Variants in ITK observed in about 807,000 individuals in gnomAD.
The protein encoded by ITK is IL2 inducible T cell kinase.
ITK carries 45 observed loss-of-function variants against 87.6 expected under a neutral mutation model. The observed-to-expected ratio is 0.51, with a 90% CI of 0.40 to 0.66. ITK has a LOEUF of 0.66. Ranked by LOEUF, ITK falls within the 30% of genes least tolerant of loss-of-function variation. The pLI is 0.00. For missense variants in ITK, 605 were observed against 766.3 expected (o/e 0.79, Z 2.48); for synonymous variants, 303 against 273.6 (o/e 1.11, Z -1.06).
In ITK at chr5:157,211,318, T is replaced by A; in HGVS notation, c.275T>A (p.Phe92Tyr). Residue 92 changes from phenylalanine to tyrosine, a missense_variant, in exon 3 of 17, where the codon TTT becomes TAT. Phe to Tyr is a conservative substitution (Grantham distance 22). Around this residue, in one of 3 missense-constraint regions of ITK, gnomAD observed 464 missense variants for 578.0 expected, o/e 0.80. Transcript: ENST00000422843. Reference protein sequence around the residue: ...VVHDNYLLYVFAPDRESRQRW... With the variant: ...VVHDNYLLYVYAPDRESRQRW... ...CATGACAACTACCTCCTATATGTGT[T>A]TGCTCCAGATCGTGAGAGCCGGCAG... 6.2e-7 allele frequency: 1 copy of A among 1,614,094 alleles called. No individual in the cohort carries two copies. Among genetic ancestry groups the A allele is most frequent in the Non-Finnish European group, 8.5e-7 (1 of 1,179,950 alleles).
At chr5:157,209,903 T>C (rs1278140938) in intron 2 of ITK, among the ~76,000 whole-genome samples, 3 of 151,876 alleles carry the variant, frequency 2.0e-5, no homozygotes. Context: ...GCACTGGTTA[T>C]AGAATGTTCC....
At chr5:157,235,348 G>A (rs1754756612) in intron 8 of ITK, among the ~76,000 whole-genome samples, 1 of 152,200 alleles carries the variant, frequency 6.6e-6, no homozygotes, top group African/African-American at 2.4e-5. Flanking sequence ...TTCTTCCAAT[G>A]TTGCCTCCTC....
In ITK at chr5:157,222,790, A is replaced by G. The variant is rs1327679112; in HGVS notation, c.496-73A>G. On this transcript the variant is annotated intron_variant, in intron 5 of 16. Transcript: ENST00000422843. ...AGAGGAAGGCAGACTGTCTCCCCAG[A>G]CACCCCGATGAAAGGAGGCATTTTA... is the stretch of plus-strand genomic sequence containing the variant. 20 of 1,471,358 alleles carry G rather than the reference A, an allele frequency of 1.4e-5. No homozygotes were observed. The East Asian group carries it at 4.5e-4, about 33-fold the overall frequency. The allele number at this position is 1,471,358 out of a possible 1,614,324, so 91.1% of individuals were successfully genotyped here.
chr5:157,246,034 C>A, intron 15 of ITK, 35 bp downstream of exon 15: 1 of 1,416,160 alleles, frequency 7.1e-7, no homozygotes, highest in Non-Finnish European at 1.0e-6. Flanking sequence ...GCCCCATGAT[C>A]TGGGCTTCAG....
At chr5:157,234,856 C>G (rs1420643641) in intron 8 of ITK, among the ~76,000 whole-genome samples, 1 of 152,114 alleles carries the variant, frequency 6.6e-6, no homozygotes, top group Non-Finnish European at 1.5e-5. Context: ...ATGGGTGCAG[C>G]AAACCACCAT....
intron 7 of ITK, among the ~76,000 whole-genome samples, chr5:157,231,957 A>C (rs1754666048): frequency 6.6e-6 from 1 of 152,236 alleles, no homozygotes; most frequent in South Asian, 2.1e-4. Flanking sequence ...TATGAAACGA[A>C]GAGGAAAATT....
intron 8 of ITK, 105 bp from the exon 9 acceptor site, chr5:157,238,004 G>C: frequency 2.5e-6 from 2 of 796,208 alleles, no homozygotes; most frequent in South Asian, 2.8e-5. Context: ...TCTATGCCAA[G>C]TGGGCCTACA....
intron 1 of ITK, among the ~76,000 whole-genome samples, chr5:157,202,692 T>C (rs1754000816): frequency 6.6e-6 from 1 of 152,226 alleles, no homozygotes; most frequent in Non-Finnish European, 1.5e-5. Context: ...AATTCTGTTT[T>C]AAGTTCTGTC....
intron 10 of ITK, 193 bp from the exon 11 acceptor site, chr5:157,241,453 A>G (rs1309585787): frequency 5.4e-6 from 3 of 555,650 alleles, no homozygotes; most frequent in South Asian, 2.1e-5. Context: ...ATGGAATTTT[A>G]CCACTTGCCC....
At chr5:157,210,167 A>T (rs1580886216) in intron 2 of ITK, among the ~76,000 whole-genome samples, 1 of 151,886 alleles carries the variant, frequency 6.6e-6, no homozygotes, top group African/African-American at 2.4e-5. Context: ...CTCGTGATCG[A>T]CCCGCCTCGG....
At chr5:157,243,945 T>A (rs1754967153) in intron 12 of ITK, 151 bp downstream of exon 12, 4 of 775,948 alleles carry the variant, frequency 5.2e-6, no homozygotes, top group South Asian at 4.5e-5. Context: ...ATCAAACTCT[T>A]CACAGTGGTC....
chr5:157,197,514 C>T (rs1753876066), intron 1 of ITK, among the ~76,000 whole-genome samples: 1 of 152,128 alleles, frequency 6.6e-6, no homozygotes, highest in South Asian at 2.1e-4. Context: ...GAAATTCTGC[C>T]ACAGTGGAAC....
intron 7 of ITK, 58 bp from the exon 8 acceptor site, chr5:157,232,282 A>T: frequency 8.6e-7 from 1 of 1,165,552 alleles, no homozygotes; most frequent in Non-Finnish European, 1.3e-6. Flanking sequence ...TGTCTTTTAT[A>T]AGTAAATAAT....
intron 1 of ITK, chr5:157,199,784 T>C (rs1753929845): frequency 6.6e-6 from 1 of 152,250 alleles, no homozygotes; most frequent in Non-Finnish European, 1.5e-5. Flanking sequence ...GCCTGGAATA[T>C]AGAAAATGTT....
Position 157,222,846 on chromosome 5 carries a change from T to G in ITK, c.496-17T>G. On this transcript the variant is annotated splice_polypyrimidine_tract_variant and intron_variant, in intron 5 of 16. Coordinates refer to ENST00000422843, the MANE Select transcript of ITK (RefSeq NM_005546.4). ...TTTTTTATGTCTTTGCTTGGTTTTG[T>G]TGTCTCTCTTCCCCAGCGACCACTT... 1 of 1,613,958 alleles carries G rather than the reference T, an allele frequency of 6.2e-7. No homozygotes were observed. Among genetic ancestry groups the G allele is most frequent in the South Asian group, 1.1e-5 (1 of 91,080 alleles).
intron 1 of ITK, among the ~76,000 whole-genome samples, chr5:157,204,661 T>C (rs997911667): frequency 2.0e-5 from 3 of 151,380 alleles, no homozygotes; most frequent in Non-Finnish European, 4.4e-5. Flanking sequence ...ATCACACCAC[T>C]GCACTCCAGC....
chr5:157,208,923 C>T lies in ITK; in HGVS notation c.173C>T (p.Ser58Phe). The change falls in exon 2 of 17, where the codon TCC becomes TTC. Residue 58 changes from serine to phenylalanine, a missense_variant. Around this residue, in one of 3 missense-constraint regions of ITK, gnomAD observed 464 missense variants for 578.0 expected, o/e 0.80. Coordinates refer to ENST00000422843, the MANE Select transcript of ITK (RefSeq NM_005546.4). ...KRTLKGSIEL[S>F]RIKCVEIVKS... ...ACGCTGAAGGGGTCCATTGAGCTCTCCCGAATCAAATGTGTTGAGATTGTG... is the reference window on the plus strand; with the variant it reads ...ACGCTGAAGGGGTCCATTGAGCTCTTCCGAATCAAATGTGTTGAGATTGTG... 1 of 1,614,082 alleles carries T rather than the reference C, an allele frequency of 6.2e-7. No individual in the cohort carries two copies. The highest frequency in any genetic ancestry group is 8.5e-7 in the Non-Finnish European group (1 of 1,179,958).
At position 157,252,697 on chromosome 5, in the gene ITK, C is replaced by G; in HGVS notation, c.*19C>G. 6.4e-7 allele frequency: 1 copy of G among 1,565,868 alleles called. No homozygotes were observed. Among genetic ancestry groups the G allele is most frequent in the East Asian group, 2.2e-5 (1 of 44,664 alleles). ...ACTTTAGTAGAGACTGAGTACCAGG[C>G]CACGGGCTGCAGATCCTGAATGGAG... On this transcript the variant is annotated 3_prime_UTR_variant, in exon 17 of 17. Coordinates refer to ENST00000422843, the MANE Select transcript of ITK (RefSeq NM_005546.4).
chr5:157,246,009 A>G lies in ITK; in HGVS notation c.1633+10A>G. ...GATGTGTGGTCATTTGGTGAGTGTC[A>G]TGCTGGGCCCCACTGCCCCATGATC... is the stretch of plus-strand genomic sequence containing the variant. On this transcript the variant is annotated intron_variant, in intron 15 of 16. Coordinates refer to ENST00000422843, the MANE Select transcript of ITK (RefSeq NM_005546.4). 2 of 1,578,154 alleles carry G rather than the reference A, an allele frequency of 1.3e-6. No homozygotes were observed. Among genetic ancestry groups the G allele is most frequent in the Non-Finnish European group, 1.7e-6 (2 of 1,147,602 alleles).
Sources: allele counts gnomAD v4.1 joint callset (sites outside exome capture counted in the v4.1 genomes callset), GRCh38; gene constraint gnomAD v4.1.1; regional missense constraint gnomAD v4.1.1; transcripts MANE v1.5; gene names NCBI Gene and HGNC (gene_info 2026-07-23, HGNC 2026-07-21).